HAO1: variants seen among roughly 807,000 people sequenced by gnomAD.
HAO1 encodes the protein 2-Hydroxyacid oxidase 1.
A neutral mutation model predicts 39.7 loss-of-function variants in HAO1; 34 were observed. The ratio of observed to expected loss-of-function variants is 0.86; its 90% CI spans 0.65 to 1.14. HAO1 has a LOEUF of 1.14. HAO1 is among the 50% of genes most tolerant of loss of function. The pLI, the probability that HAO1 is intolerant of heterozygous loss-of-function variation, is 0.00. For synonymous variants in HAO1, 172 were observed against 173.2 expected (o/e 0.99, Z 0.05); for missense variants, 479 against 464.5 (o/e 1.03, Z -0.29).
intron 2 of HAO1, among the ~76,000 whole-genome samples, chr20:7,925,816 T>G (rs2050356623): frequency 6.6e-6 from 1 of 152,096 alleles, no homozygotes; most frequent in Non-Finnish European, 1.5e-5. Context: ...TAGCTTAAAT[T>G]TTGGTGCAAA....
chr20:7,889,912 C>T (rs1240715478), intron 5 of HAO1, among the ~76,000 whole-genome samples: 1 of 152,140 alleles, frequency 6.6e-6, no homozygotes, highest in Non-Finnish European at 1.5e-5. Context: ...CGGTGCTCTT[C>T]CCATGACATC....
At chr20:7,930,377 T>C (rs2050380311) in intron 2 of HAO1, among the ~76,000 whole-genome samples, 1 of 152,344 alleles carries the variant, frequency 6.6e-6, no homozygotes, top group Non-Finnish European at 1.5e-5. Flanking sequence ...TAATTCCATG[T>C]GAATTTTCTG....
intron 2 of HAO1, among the ~76,000 whole-genome samples, chr20:7,933,365 G>A (rs2050394648): frequency 6.6e-6 from 1 of 151,890 alleles, no homozygotes; most frequent in Non-Finnish European, 1.5e-5. Flanking sequence ...TTCTAAGGTT[G>A]TTGCCTATAG....
At chr20:7,932,199 G>C (rs750051002) in intron 2 of HAO1, among the ~76,000 whole-genome samples, 30 of 152,128 alleles carry the variant, frequency 2.0e-4, no homozygotes, top group Non-Finnish European at 4.4e-5. Context: ...CACCATGATT[G>C]TAAGTTTCCT....
intron 2 of HAO1, among the ~76,000 whole-genome samples, chr20:7,926,134 A>C (rs973641681): frequency 3.3e-5 from 5 of 152,142 alleles, no homozygotes. Flanking sequence ...GCAAGTCTAA[A>C]ACATAAAATT....
At chr20:7,908,221 C>A (rs907638855) in intron 3 of HAO1, among the ~76,000 whole-genome samples, 1 of 151,940 alleles carries the variant, frequency 6.6e-6, no homozygotes, top group Non-Finnish European at 1.5e-5. Context: ...GAAACCCAGT[C>A]TCTACTAAAA....
At chr20:7,929,245 A>G (rs2050375617) in intron 2 of HAO1, among the ~76,000 whole-genome samples, 1 of 152,244 alleles carries the variant, frequency 6.6e-6, no homozygotes, top group Non-Finnish European at 1.5e-5. Context: ...TGTAAATGGA[A>G]TATACTTTTC....
intron 2 of HAO1, among the ~76,000 whole-genome samples, chr20:7,929,931 G>A (rs2050378508): frequency 6.6e-6 from 1 of 152,182 alleles, no homozygotes; most frequent in African/African-American, 2.4e-5. Flanking sequence ...TTCCACAGTT[G>A]TGAGAGGAAG....
At chr20:7,914,669 C>T (rs1361803769) in intron 2 of HAO1, among the ~76,000 whole-genome samples, 1 of 152,106 alleles carries the variant, frequency 6.6e-6, no homozygotes, top group Non-Finnish European at 1.5e-5. Context: ...ACATTTCTTT[C>T]CACACTTTGT....
At chr20:7,887,950 G>T (rs1023384000) in intron 5 of HAO1, among the ~76,000 whole-genome samples, 2 of 151,952 alleles carry the variant, frequency 1.3e-5, no homozygotes, top group African/African-American at 4.8e-5. Context: ...AAATAATTCT[G>T]ATCAAACAGA....
chr20:7,908,823 G>A (rs937158424), intron 3 of HAO1, among the ~76,000 whole-genome samples: 19 of 152,028 alleles, frequency 1.2e-4, no homozygotes, highest in African/African-American at 7.2e-5. Context: ...GTCTTCTATG[G>A]TCACCCTAAT....
intron 4 of HAO1, among the ~76,000 whole-genome samples, chr20:7,896,028 C>G (rs1248033934): frequency 6.6e-6 from 1 of 151,818 alleles, no homozygotes; most frequent in Admixed American, 6.6e-5. Context: ...GCCAAGATTG[C>G]ACCACTGCAC....
intron 5 of HAO1, among the ~76,000 whole-genome samples, chr20:7,886,995 A>G (rs1249409059): frequency 1.3e-5 from 2 of 152,190 alleles, no homozygotes; most frequent in African/African-American, 4.8e-5. Context: ...GGAGCTGACA[A>G]TTGGATACCA....
Position 7,914,179 on chromosome 20 carries a change from A to C in HAO1, c.530T>G (p.Leu177Arg), listed in dbSNP as rs2050294858. The change falls in exon 3 of 8, where the codon CTG (leucine) becomes CGG (arginine). Residue 177 changes from leucine (L) to arginine (R), a missense_variant. Transcript: ENST00000378789. The stretch of plus-strand genomic sequence containing the variant: ...TCATGGTTACCTGAGTTGTGGCGGC[A>C]GTTTGAATCTGTTACGCACATCATC... Reference protein sequence around the residue: ...RLDDVRNRFKLPPQLRMKNFE... With the variant: ...RLDDVRNRFKRPPQLRMKNFE... 2 of 1,613,894 alleles carry C rather than the reference A, an allele frequency of 1.2e-6. No homozygotes were observed. The highest frequency in any genetic ancestry group is 1.7e-6 in the Non-Finnish European group (2 of 1,179,866).
chr20:7,890,607 G>C (rs1322729472), intron 5 of HAO1, among the ~76,000 whole-genome samples: 1 of 152,094 alleles, frequency 6.6e-6, no homozygotes, highest in East Asian at 1.9e-4. Flanking sequence ...ATATGAGTAA[G>C]TTCTTAAGTA....
In HAO1 at chr20:7,895,170, T is replaced by A; in HGVS notation, c.776A>T (p.Asn259Ile). 6.2e-7 allele frequency: 1 copy of A among 1,612,840 alleles called. No homozygotes were observed. ...CCCATCGAGTTGTCGAGCCCCATGA[T>A]TCGACACCAAGATCCCATTCAAGCC... The part of the protein sequence containing the change: ...KHGLNGILVS[N>I]HGARQLDGVP... The change falls in exon 5 of 8, where the codon AAT (asparagine) becomes ATT (isoleucine). Residue 259 changes from asparagine to isoleucine, a missense_variant. Asn to Ile is a moderately radical substitution (Grantham distance 149). Coordinates refer to ENST00000378789, the MANE Select transcript of HAO1 (RefSeq NM_017545.3).
intron 3 of HAO1, among the ~76,000 whole-genome samples, chr20:7,907,530 C>T (rs1452078419): frequency 1.3e-5 from 2 of 152,156 alleles, no homozygotes; most frequent in Non-Finnish European, 2.9e-5. Context: ...GCAGTATTCC[C>T]TTCACCTTCC....
Position 7,934,639 on chromosome 20 carries a change from G to A in HAO1, c.138-4C>T, listed in dbSNP as rs983179685. On this transcript the variant is annotated splice_polypyrimidine_tract_variant and splice_region_variant and intron_variant, in intron 1 of 7. Coordinates refer to ENST00000378789, the MANE Select transcript of HAO1 (RefSeq NM_017545.3). ...CATCCTTGGATACAGCTTCCATCTA[G>A]AATTAAAAAATAAAATAAAATAAAA... is the stretch of plus-strand genomic sequence containing the variant. 2 of 1,559,522 alleles carry A rather than the reference G, an allele frequency of 1.3e-6. No homozygotes were observed. The highest frequency in any genetic ancestry group is 1.7e-6 in the Non-Finnish European group (2 of 1,152,914).
At chr20:7,890,572 A>T (rs1476292618) in intron 5 of HAO1, among the ~76,000 whole-genome samples, 1 of 151,938 alleles carries the variant, frequency 6.6e-6, no homozygotes, top group African/African-American at 2.4e-5. Context: ...TCCATAAGTT[A>T]TTGGGGTACA....
Sources: allele counts gnomAD v4.1 joint callset (sites outside exome capture counted in the v4.1 genomes callset), GRCh38; gene constraint gnomAD v4.1.1; transcripts MANE v1.5; gene names NCBI Gene and HGNC (gene_info 2026-07-23, HGNC 2026-07-21).